AP3B1: variants seen among roughly 807,000 people sequenced by gnomAD.
The protein encoded by AP3B1 is adaptor related protein complex 3 subunit beta 1.
Under a neutral mutation model 132.5 loss-of-function variants are expected in AP3B1, and 61 were observed. The ratio of observed to expected loss-of-function variants is 0.46; its 90% CI spans 0.37 to 0.57. The LOEUF is 0.57. AP3B1 is among the 20% of genes least tolerant of loss of function. The pLI is 0.00. For missense variants in AP3B1, 1,120 were observed against 1,289.4 expected (o/e 0.87, Z 2.01); for synonymous variants, 388 against 438.3 (o/e 0.89, Z 1.43).
In AP3B1 at chr5:78,226,922, A is replaced by G. The variant is rs1287870789; in HGVS notation, c.536+450T>C. On this transcript the variant is annotated intron_variant, in intron 5 of 26. Coordinates refer to ENST00000255194, the MANE Select transcript of AP3B1 (RefSeq NM_003664.5). ...AATTACTTAATAAAATAGCTCTGGA[A>G]AAGAATTAGACAACGAAGGGAGCAG... Among the ~76,000 whole-genome samples the G allele has an allele frequency of 2.6e-5, 4 of 152,240 alleles. No homozygotes were observed. In the South Asian group the frequency reaches 8.3e-4, roughly 32 times the overall value.
intron 14 of AP3B1, among the ~76,000 whole-genome samples, chr5:78,153,406 T>A (rs937352754): frequency 8.6e-5 from 13 of 151,712 alleles, no homozygotes; most frequent in African/African-American, 3.2e-4. Context: ...ATGGAATGTC[T>A]TTTTCCATCC....
chr5:78,027,032 C>T (rs969881466), intron 24 of AP3B1, among the ~76,000 whole-genome samples: 8 of 152,122 alleles, frequency 5.3e-5, no homozygotes, highest in Non-Finnish European at 1.0e-4. Context: ...AAATAAGCTG[C>T]ACTGCTTTCT....
chr5:78,033,872 A>T (rs1747683720), intron 24 of AP3B1, among the ~76,000 whole-genome samples: 1 of 148,890 alleles, frequency 6.7e-6, no homozygotes, highest in Non-Finnish European at 1.5e-5. Flanking sequence ...GCAGTTTGTA[A>T]ATGGATGTAA....
At chr5:78,184,516 C>T (rs1291117930) in intron 7 of AP3B1, among the ~76,000 whole-genome samples, 2 of 151,714 alleles carry the variant, frequency 1.3e-5, no homozygotes, top group African/African-American at 2.4e-5. Context: ...GAAACCCCGC[C>T]TCTACTAAAA....
At chr5:78,053,660 T>C (rs144221435) in intron 22 of AP3B1, among the ~76,000 whole-genome samples, 5,758 of 122,650 alleles carry the variant, frequency 0.047, 394 homozygotes, top group African/African-American at 0.16. Flanking sequence ...AGCCTGGTGA[T>C]AGAGCAAGAC....
intron 2 of AP3B1, among the ~76,000 whole-genome samples, chr5:78,256,735 A>G (rs1443489934): frequency 6.6e-6 from 1 of 152,138 alleles, no homozygotes; most frequent in Non-Finnish European, 1.5e-5. Context: ...ATGACACCCC[A>G]ATATCTCTAA....
At chr5:78,143,991 C>G (rs1452885125) in intron 14 of AP3B1, among the ~76,000 whole-genome samples, 1 of 151,710 alleles carries the variant, frequency 6.6e-6, no homozygotes, top group South Asian at 2.1e-4. Context: ...GGTGACAGAG[C>G]GAGACTCTGT....
At chr5:78,159,716 T>C (rs1206078334) in intron 13 of AP3B1, among the ~76,000 whole-genome samples, 1 of 152,206 alleles carries the variant, frequency 6.6e-6, no homozygotes, top group Non-Finnish European at 1.5e-5. Context: ...GGTAACATAT[T>C]CACAGGTTCT....
chr5:78,227,345 T>G (rs753732728), intron 5 of AP3B1, 27 bp downstream of exon 5: 1 of 1,607,278 alleles, frequency 6.2e-7, no homozygotes. Flanking sequence ...TCAGAGATCT[T>G]TGGTATATTG....
rs1300733097 is a variant in AP3B1 at position 78,141,352 on chromosome 5, T to G, written c.1474-33A>C. On this transcript the variant is annotated intron_variant, in intron 14 of 26. Transcript: ENST00000255194. ...GAGAAGCAGATTACATAGTTAGAAG[T>G]AAGTTAATCATACTCTAATATTAAC... The G allele has an allele frequency of 5.1e-6, 8 of 1,560,702 alleles. No homozygotes were observed. The Admixed American group carries it at 6.7e-5, about 13-fold the overall frequency.
At chr5:78,266,805 T>C (rs1432835025) in intron 2 of AP3B1, among the ~76,000 whole-genome samples, 1 of 152,158 alleles carries the variant, frequency 6.6e-6, no homozygotes, top group Non-Finnish European at 1.5e-5. Context: ...GTTTTTTCTC[T>C]GTGAATGTGG....
At chr5:78,063,195 C>T (rs543143922) in intron 22 of AP3B1, among the ~76,000 whole-genome samples, 4 of 152,162 alleles carry the variant, frequency 2.6e-5, no homozygotes, top group Non-Finnish European at 4.4e-5. Flanking sequence ...AAAGCAAATT[C>T]TCCAGCACTT....
intron 7 of AP3B1, among the ~76,000 whole-genome samples, chr5:78,184,730 A>C (rs945957940): frequency 6.6e-6 from 1 of 151,928 alleles, no homozygotes; most frequent in Non-Finnish European, 1.5e-5. Context: ...AAAATGCAAC[A>C]AAAGACCTAA....
chr5:78,035,310 T>C (rs942910595), intron 23 of AP3B1, among the ~76,000 whole-genome samples: 1 of 152,022 alleles, frequency 6.6e-6, no homozygotes, highest in East Asian at 1.9e-4. Context: ...CCATTTTTGA[T>C]TTCTACTTTG....
chr5:78,288,409 G>T (rs892253622), intron 1 of AP3B1, among the ~76,000 whole-genome samples: 7 of 152,204 alleles, frequency 4.6e-5, no homozygotes, highest in East Asian at 1.9e-4. Context: ...GGGAGGTAAA[G>T]ATGCCTTTGA....
chr5:78,165,847 TCA>T, intron 11 of AP3B1, among the ~76,000 whole-genome samples, 175 bp from the exon 12 acceptor site: 1 of 152,128 alleles, frequency 6.6e-6, no homozygotes, highest in Non-Finnish European at 1.5e-5. Flanking sequence ...GGCGGGCGGA[TCA>T]CCTGAGGCTG....
rs2291515 is a variant in AP3B1, at chr5:78,034,672, A to G, written c.2810-227T>C. ...TAATTCTGCGCATACACCAATGAAC[A>G]CATTATACCCATTTGTTTCAGAAAT... On this transcript the variant is annotated intron_variant, in intron 23 of 26. Coordinates refer to ENST00000255194, the MANE Select transcript of AP3B1 (RefSeq NM_003664.5). Among the ~76,000 whole-genome samples the G allele has an allele frequency of 0.03, 4,500 of 152,056 alleles. 162 individuals carry two copies. Among genetic ancestry groups the G allele is most frequent in the East Asian group, 0.14 (715 of 5,184 alleles).
rs150399698 is a variant in AP3B1, at chr5:78,028,931, A to G, written c.2894+5430T>C. On this transcript the variant is annotated intron_variant, in intron 24 of 26. Transcript: ENST00000255194. Reference sequence around the variant, plus strand: ...ACTTAAAAGATCTCTGTGCTTTGTCATCTTTCTCCTCTCTAATCTTTCTTC... The same window carrying G: ...ACTTAAAAGATCTCTGTGCTTTGTCGTCTTTCTCCTCTCTAATCTTTCTTC... Among the ~76,000 whole-genome samples, 1,427 of 152,286 alleles carry G rather than the reference A, an allele frequency of 9.4e-3. 30 individuals carry two copies. Among genetic ancestry groups the G allele is most frequent in the African/African-American group, 0.031 (1,307 of 41,572 alleles).
chr5:78,069,964 G>T (rs1749465509), intron 22 of AP3B1, among the ~76,000 whole-genome samples: 2 of 152,078 alleles, frequency 1.3e-5, no homozygotes, highest in South Asian at 4.1e-4. Context: ...ACAACCATCT[G>T]ATCTTTGACA....
Sources: gnomAD v4.1 joint callset for allele counts (sites outside exome capture counted in the v4.1 genomes callset) on GRCh38, gnomAD v4.1.1 for gene constraint, MANE v1.5 for transcripts, NCBI Gene and HGNC (gene_info 2026-07-23, HGNC 2026-07-21) for gene names.